The following ZPBP variants were observed in gnomAD, a reference collection of about 807,000 sequenced individuals.
The protein encoded by ZPBP is zona pellucida-binding protein 1.
ZPBP carries 26 observed loss-of-function variants against 44.8 expected under a neutral mutation model. The ratio of observed to expected loss-of-function variants is 0.58; its 90% CI spans 0.43 to 0.81. The LOEUF (loss-of-function observed/expected upper bound fraction) is 0.81. Among genes scored for constraint, ZPBP ranks in the 30% least tolerant of loss-of-function variants. ZPBP has a pLI of 0.00. For synonymous variants in ZPBP, 174 were observed against 153.2 expected, an observed-to-expected ratio of 1.14 and a Z score of -1.00; for missense variants, 409 against 434.0, an observed-to-expected ratio of 0.94 and a Z score of 0.51.
intron 4 of ZPBP, among the ~76,000 whole-genome samples, chr7:50,046,270 T>C (rs528910407): frequency 6.6e-6 from 1 of 152,256 alleles, no homozygotes; most frequent in South Asian, 2.1e-4. Context: ...CCAACAGCAA[T>C]GGCAACAAAA....
intron 7 of ZPBP, among the ~76,000 whole-genome samples, chr7:49,955,367 G>GCCTGA (rs1251330487): frequency 6.6e-6 from 1 of 152,082 alleles, no homozygotes; most frequent in African/African-American, 2.4e-5. Context: ...GACCAGCCTG[G>GCCTGA]CTAACACGAT....
chr7:50,082,012 T>C (rs990942291), intron 2 of ZPBP, 113 bp from the exon 3 acceptor site: 3 of 1,227,368 alleles, frequency 2.4e-6, no homozygotes, highest in African/African-American at 1.5e-5. Flanking sequence ...CTTTGAATTA[T>C]TGCTCCTATT....
intron 3 of ZPBP, among the ~76,000 whole-genome samples, chr7:50,075,308 T>C (rs1802027692): frequency 1.3e-5 from 2 of 151,712 alleles, no homozygotes; most frequent in Admixed American, 1.3e-4. Flanking sequence ...TTTAAGTGCC[T>C]ACATTGAAAA....
chr7:50,019,828 G>T (rs58481594), intron 5 of ZPBP, among the ~76,000 whole-genome samples: 1,900 of 152,112 alleles, frequency 0.012, 46 homozygotes, highest in African/African-American at 0.043. Flanking sequence ...GTTAATTTCA[G>T]ACAGAGGTCC....
intron 2 of ZPBP, among the ~76,000 whole-genome samples, chr7:49,871,893 A>G (rs544983048): frequency 7.7e-6 from 1 of 130,136 alleles, no homozygotes; most frequent in African/African-American, 2.8e-5. Context: ...TTTTGTATGT[A>G]TATGTGTGTA....
At chr7:49,990,143 C>T (rs1797499442) in intron 6 of ZPBP, among the ~76,000 whole-genome samples, 1 of 152,170 alleles carries the variant, frequency 6.6e-6, no homozygotes, top group African/African-American at 2.4e-5. Flanking sequence ...AGTTAAAAGG[C>T]ACAGAACAGG....
At chr7:49,977,839 C>G (rs1261616287) in intron 7 of ZPBP, among the ~76,000 whole-genome samples, 2 of 152,112 alleles carry the variant, frequency 1.3e-5, no homozygotes, top group Non-Finnish European at 2.9e-5. Flanking sequence ...GTTGCCTTAT[C>G]AACATTAATA....
intron 2 of ZPBP, among the ~76,000 whole-genome samples, chr7:49,855,465 AG>A (rs1790375768): frequency 6.6e-6 from 1 of 152,044 alleles, no homozygotes; most frequent in Non-Finnish European, 1.5e-5. Flanking sequence ...AGCAGGGAGG[AG>A]GAAGGTTTGG....
intron 3 of ZPBP, among the ~76,000 whole-genome samples, chr7:50,077,821 T>C (rs1051881120): frequency 6.6e-6 from 1 of 151,786 alleles, no homozygotes; most frequent in African/African-American, 2.4e-5. Flanking sequence ...ACCATTATGG[T>C]GAACAGTTTG....
intron 6 of ZPBP, among the ~76,000 whole-genome samples, chr7:50,012,634 G>A (rs190039246): frequency 1.5e-3 from 223 of 149,686 alleles, no homozygotes; most frequent in Non-Finnish European, 2.9e-3. Flanking sequence ...AGTAAATTGG[G>A]AATAGAAGAG....
rs958796255 is a variant in ZPBP at position 50,093,237 on chromosome 7, G to A, written c.-43C>T. 2.0e-6 allele frequency: 3 copies of A among 1,481,930 alleles called. No homozygotes were observed. The highest frequency in any genetic ancestry group is 1.3e-5 in the South Asian group (1 of 75,814). 91.8% of individuals were successfully genotyped at this position (1,481,930 alleles called of 1,614,324 possible). A position where few individuals can be genotyped will look rare whatever the true frequency, so the allele number is the denominator to read the frequency against. On this transcript the variant is annotated 5_prime_UTR_variant, in exon 1 of 8. The change creates a new upstream start codon in the 5' untranslated region. Coordinates refer to ENST00000046087, the MANE Select transcript of ZPBP (RefSeq NM_007009.3). ...CTGCCCACCGTCCGCGCGGAAGGTC[G>A]TTAGGCAACGCGCGCCCACCTGCAG... is the stretch of plus-strand genomic sequence containing the variant.
chr7:49,892,469 G>A lies in ZPBP; in HGVS notation n.509+8649C>T, dbSNP rs187396021. On this transcript the variant is annotated intron_variant and non_coding_transcript_variant, in intron 2 of 2. Coordinates refer to the ZPBP transcript ENST00000465922. ...AGGAAAAGAAGTCCTGCTATACAGG[G>A]GTATATACATTATGATTATCTAAGG... Among the ~76,000 whole-genome samples the A allele has an allele frequency of 7.3e-3, 1,118 of 152,236 alleles. 14 individuals are homozygous for A. The highest frequency in any genetic ancestry group is 0.026 in the African/African-American group (1,082 of 41,526).
intron 2 of ZPBP, among the ~76,000 whole-genome samples, chr7:49,890,240 C>T (rs960131728): frequency 5.3e-5 from 8 of 152,050 alleles, no homozygotes; most frequent in Admixed American, 3.9e-4. Flanking sequence ...CCAGGTCAAG[C>T]GTATTTGATA....
At chr7:49,853,861 CCCCT>C (rs1018392413) in intron 2 of ZPBP, among the ~76,000 whole-genome samples, 1 of 121,880 alleles carries the variant, frequency 8.2e-6, no homozygotes, top group Non-Finnish European at 1.7e-5. Flanking sequence ...CTATCCCTCC[CCCCT>C]CCCCCCACCC....
chr7:50,080,281 A>C (rs1003086682), intron 3 of ZPBP, among the ~76,000 whole-genome samples: 3 of 151,708 alleles, frequency 2.0e-5, no homozygotes, highest in Non-Finnish European at 3.0e-5. Flanking sequence ...CTGTATTGAA[A>C]ACCATAATAT....
chr7:49,956,146 T>C (rs1030154199), intron 7 of ZPBP, among the ~76,000 whole-genome samples: 1 of 152,110 alleles, frequency 6.6e-6, no homozygotes, highest in African/African-American at 2.4e-5. Context: ...AAGAAACAAC[T>C]CACACAGGGA....
intron 4 of ZPBP, among the ~76,000 whole-genome samples, chr7:50,031,962 C>T (rs1435272546): frequency 3.9e-5 from 6 of 152,226 alleles, no homozygotes; most frequent in East Asian, 1.9e-4. Context: ...CAAAACAGGG[C>T]GCTCTGTTGC....
At chr7:50,031,389 T>C in intron 4 of ZPBP, 79 bp from the exon 5 acceptor site, 2 of 1,067,024 alleles carry the variant, frequency 1.9e-6, no homozygotes, top group Non-Finnish European at 2.7e-6. Flanking sequence ...TTAAGAAATA[T>C]CATTATTTGG....
Position 49,982,527 on chromosome 7 carries a change from G to A in ZPBP, c.961+815C>T, listed in dbSNP as rs1446338995. 2.7e-5 allele frequency among the ~76,000 whole-genome samples: 4 copies of A among 150,042 alleles called. No homozygotes were observed. The East Asian group carries it at 7.8e-4, about 29-fold the overall frequency. On this transcript the variant is annotated intron_variant, in intron 7 of 7. Transcript: ENST00000046087. ...TAATGAAACACAAAAAAATTATAAA[G>A]ATAACTGTAGCCAAGTCAAAGAAAA...
Sources: gnomAD v4.1 joint callset for allele counts (sites outside exome capture counted in the v4.1 genomes callset) on GRCh38, gnomAD v4.1.1 for gene constraint, MANE v1.5 for transcripts, NCBI Gene and HGNC (gene_info 2026-07-23, HGNC 2026-07-21) for gene names.